Variants in LONP2 observed in about 807,000 individuals in gnomAD.
LONP2 encodes the protein lon peptidase 2, peroxisomal.
A neutral mutation model predicts 85.6 loss-of-function variants in LONP2; 60 were observed. The ratio of observed to expected loss-of-function variants is 0.70; its 90% CI spans 0.57 to 0.87. LONP2 has a LOEUF of 0.87. LONP2 is among the 40% of genes least tolerant of loss of function. The probability of loss-of-function intolerance (pLI) is 0.00; values close to 1 mark genes in which losing one functional copy is unlikely to be tolerated. For synonymous variants in LONP2, 395 were observed against 389.7 expected (o/e 1.01, Z -0.16); for missense variants, 860 against 1,063.5 (o/e 0.81, Z 2.66).
rs139866360 is a variant in LONP2 at position 48,338,831 on chromosome 16, C to T, written c.1938+4473C>T. ...GCTGAGGTGGGAGGATCACTTGAGC[C>T]TGGGAGACGGAGGTTGCAATGAGCC... is the stretch of plus-strand genomic sequence containing the variant. On this transcript the variant is annotated intron_variant, in intron 12 of 14. Coordinates refer to ENST00000285737, the MANE Select transcript of LONP2 (RefSeq NM_031490.5). 4.6e-5 allele frequency among the ~76,000 whole-genome samples: 7 copies of T among 152,232 alleles called. 1 individual carries two copies. The highest frequency in any genetic ancestry group is 1.7e-4 in the African/African-American group (7 of 41,538).
chr16:48,248,575 A>C (rs1335845711), intron 1 of LONP2, among the ~76,000 whole-genome samples: 5 of 152,188 alleles, frequency 3.3e-5, no homozygotes, highest in Admixed American at 2.0e-4. Flanking sequence ...GGGTAGTTTT[A>C]AATGTAGATT....
downstream of LONP2, among the ~76,000 whole-genome samples, chr16:48,358,121 C>CTA (rs1404800351): frequency 2.0e-5 from 3 of 152,294 alleles, no homozygotes; most frequent in East Asian, 5.8e-4. Flanking sequence ...GATCTTACCT[C>CTA]TATAGGCTAA....
At chr16:48,266,210 G>T (rs899286076) in intron 6 of LONP2, among the ~76,000 whole-genome samples, 76 of 152,038 alleles carry the variant, frequency 5.0e-4, no homozygotes, top group African/African-American at 1.7e-3. Context: ...TCACCATGTT[G>T]GACAGGCTAG....
intron 12 of LONP2, chr16:48,346,066 AG>A (rs1959955044): frequency 6.7e-6 from 1 of 148,866 alleles, no homozygotes; most frequent in Non-Finnish European, 1.5e-5. Context: ...AAAAAAAAAG[AG>A]GAAAAGAAGT....
chr16:48,244,659 CG>C, intron 1 of LONP2, 38 bp downstream of exon 1: 1 of 1,301,392 alleles, frequency 7.7e-7, no homozygotes, highest in Non-Finnish European at 9.8e-7. Context: ...GCGGGCGGCG[CG>C]GCCTCCTCCG....
intron 9 of LONP2, 114 bp downstream of exon 9, chr16:48,296,279 C>G: frequency 8.5e-7 from 1 of 1,181,228 alleles, no homozygotes; most frequent in Non-Finnish European, 1.2e-6. Context: ...ATACAATCTT[C>G]AGAAGTTCTG....
intron 11 of LONP2, among the ~76,000 whole-genome samples, chr16:48,317,682 A>G (rs1357979743): frequency 1.3e-5 from 2 of 152,218 alleles, no homozygotes; most frequent in Admixed American, 6.5e-5. Context: ...AAACTTGGCT[A>G]TCCATTTTCC....
chr16:48,290,589 G>C (rs1972539962), intron 8 of LONP2, among the ~76,000 whole-genome samples: 2 of 152,076 alleles, frequency 1.3e-5, no homozygotes, highest in African/African-American at 4.8e-5. Context: ...AGAACTCAGG[G>C]AAACAATTTA....
At chr16:48,351,050 C>T (rs1960127758) in intron 14 of LONP2, among the ~76,000 whole-genome samples, 1 of 152,160 alleles carries the variant, frequency 6.6e-6, no homozygotes, top group Non-Finnish European at 1.5e-5. Flanking sequence ...CAAAGCCTGG[C>T]CCACATTCAA....
intron 8 of LONP2, among the ~76,000 whole-genome samples, chr16:48,283,576 G>A (rs1224761392): frequency 6.6e-6 from 1 of 152,144 alleles, no homozygotes; most frequent in Non-Finnish European, 1.5e-5. Context: ...CAATGCATCT[G>A]TTTATAGCAT....
chr16:48,256,009 A>T (rs1469353434), intron 2 of LONP2, among the ~76,000 whole-genome samples: 1 of 152,196 alleles, frequency 6.6e-6, no homozygotes, highest in African/African-American at 2.4e-5. Flanking sequence ...AGCATCAACT[A>T]TGCTAAATTT....
intron 11 of LONP2, among the ~76,000 whole-genome samples, chr16:48,326,556 G>A (rs942401166): frequency 1.3e-5 from 2 of 151,870 alleles, no homozygotes; most frequent in Admixed American, 6.6e-5. Context: ...GATATCCCAG[G>A]GCCCTCTGTG....
At chr16:48,329,180 C>T (rs1258578830) in intron 11 of LONP2, among the ~76,000 whole-genome samples, 2 of 152,208 alleles carry the variant, frequency 1.3e-5, no homozygotes, top group Admixed American at 6.5e-5. Context: ...TGCAGCTTCA[C>T]TTTCTGCAGT....
downstream of LONP2, chr16:48,360,418 C>T (rs1048416552): frequency 2.0e-5 from 3 of 152,454 alleles, no homozygotes; most frequent in African/African-American, 7.2e-5. Context: ...TTAAGTCTAC[C>T]GCACTTAAAA....
At chr16:48,282,410 C>CAAAA (rs773913986) in intron 8 of LONP2, among the ~76,000 whole-genome samples, 10 of 83,668 alleles carry the variant, frequency 1.2e-4, no homozygotes, top group South Asian at 4.4e-4. Flanking sequence ...GACTCTGTCT[C>CAAAA]AAAAAAAAAA....
intron 11 of LONP2, among the ~76,000 whole-genome samples, chr16:48,306,932 G>A (rs1391309276): frequency 6.6e-6 from 1 of 152,036 alleles, no homozygotes; most frequent in Admixed American, 6.6e-5. Flanking sequence ...ATTCAAGCAC[G>A]AGAGACAGAA....
intron 10 of LONP2, among the ~76,000 whole-genome samples, chr16:48,302,789 C>A (rs1410036857): frequency 2.6e-5 from 4 of 152,154 alleles, no homozygotes; most frequent in Non-Finnish European, 5.9e-5. Flanking sequence ...ATTTCAAATA[C>A]AATGAATTTA....
chr16:48,342,190 T>C (rs1343713226), intron 12 of LONP2, among the ~76,000 whole-genome samples: 1 of 152,214 alleles, frequency 6.6e-6, no homozygotes, highest in Non-Finnish European at 1.5e-5. Context: ...TGTTGGCTTC[T>C]GACCATGGTG....
intron 8 of LONP2, among the ~76,000 whole-genome samples, chr16:48,277,970 G>T (rs58171488): frequency 6.7e-6 from 1 of 148,604 alleles, no homozygotes; most frequent in East Asian, 2.0e-4. Context: ...TTTTTCTTCC[G>T]TTGTCCCCAC....
Sources: allele counts gnomAD v4.1 joint callset (sites outside exome capture counted in the v4.1 genomes callset), GRCh38; gene constraint gnomAD v4.1.1; transcripts MANE v1.5; gene names NCBI Gene and HGNC (gene_info 2026-07-23, HGNC 2026-07-21).